Variants in GDF9 observed in about 807,000 individuals in gnomAD.
GDF9 encodes the protein growth/differentiation factor 9.
Under a neutral mutation model 33.8 loss-of-function variants are expected in GDF9, and 30 were observed. That is an observed-to-expected ratio of 0.89 (90% CI 0.66 to 1.20). The LOEUF (loss-of-function observed/expected upper bound fraction) is 1.20, where lower values mean the gene tolerates loss of function less well. Among genes scored for constraint, GDF9 ranks in the 50% most tolerant of loss-of-function variants. GDF9 has a pLI of 0.00. For synonymous variants in GDF9, 205 were observed against 200.7 expected (o/e 1.02, Z -0.18); for missense variants, 556 against 543.7 (o/e 1.02, Z -0.22).
chr5:132,864,688 T>C lies in GDF9; in HGVS notation c.-155A>G. 1 of 681,198 alleles carries C rather than the reference T, an allele frequency of 1.5e-6. No individual in the cohort carries two copies. The highest frequency in any genetic ancestry group is 2.6e-5 in the Admixed American group (1 of 38,202). The allele number at this position is 681,198 out of a possible 1,614,324, so 42.2% of individuals were successfully genotyped here. ...GGCCTCAAGTATGCCTAGCTGAAGATTTTATCAGCTCTATATCAAGCAGCT... is the reference window on the plus strand; with the variant it reads ...GGCCTCAAGTATGCCTAGCTGAAGACTTTATCAGCTCTATATCAAGCAGCT... On this transcript the variant is annotated 5_prime_UTR_variant, in exon 1 of 2. Transcript: ENST00000687138.
rs17166282 is a variant in GDF9, at chr5:132,864,565, T to C, written c.-32A>G. ...GGAGAACTAGTGAGGAACATATTTCTCCATGCCAGTCCTCTTCCTAAAGGC... is the reference window on the plus strand; with the variant it reads ...GGAGAACTAGTGAGGAACATATTTCCCCATGCCAGTCCTCTTCCTAAAGGC... On this transcript the variant is annotated 5_prime_UTR_variant, in exon 1 of 2. Coordinates refer to ENST00000687138, the MANE Select transcript of GDF9 (RefSeq NM_005260.7). 13,458 of 1,597,244 alleles carry C rather than the reference T, an allele frequency of 8.4e-3. 807 individuals are homozygous for C. The African/African-American group carries it at 0.14, about 17-fold the overall frequency.
rs370650334 is a variant in GDF9, at chr5:132,862,002, G to T, written c.952C>A (p.Arg318Ser). ...GAACTGACAGTTTCCTGACCTCTGC[G>T]GTGACGGTGATGGGAAGATCTCCCA... ...EDGRSSHHRH[R>S]RGQETVSSEL... The change falls in exon 2 of 2, where the codon CGC becomes AGC. Residue 318 changes from arginine (R) to serine (S), a missense_variant. Transcript: ENST00000687138. 4.3e-6 allele frequency: 7 copies of T among 1,613,834 alleles called. No individual in the cohort carries two copies. In the Admixed American group the frequency reaches 6.7e-5, roughly 15 times the overall value.
chr5:132,866,574 G>A, upstream of GDF9: 1 of 472,276 alleles, frequency 2.1e-6, no homozygotes, highest in South Asian at 2.1e-5. Context: ...GAGACAGTAG[G>A]AAAATGGTAT....
In GDF9 at chr5:132,862,747, C is replaced by A. The variant is rs759892826; in HGVS notation, c.398-191G>T. 1.2e-4 allele frequency among the ~76,000 whole-genome samples: 19 copies of A among 152,262 alleles called. No homozygotes were observed. In the Middle Eastern group the frequency reaches 0.014, roughly 109 times the overall value. ...TGGTATCATTACTAATTCCCAGCAA[C>A]CTTACTGGACATTTTATCTCCAGAA... On this transcript the variant is annotated intron_variant, in intron 1 of 1. Coordinates refer to ENST00000687138, the MANE Select transcript of GDF9 (RefSeq NM_005260.7).
chr5:132,861,316 GA>G lies in GDF9; in HGVS notation c.*272del. The G allele has an allele frequency of 9.7e-6, 4 of 411,540 alleles. No individual in the cohort carries two copies. Among genetic ancestry groups the G allele is most frequent in the Non-Finnish European group, 8.8e-6 (2 of 226,598 alleles). The allele number at this position is 411,540 out of a possible 1,614,324, so 25.5% of individuals were successfully genotyped here. ...ATCAAGAATAAGACTCCTATGAAAA[GA>G]AAAAAAATCACTCAAGGAAAAAAAT... is the stretch of plus-strand genomic sequence containing the variant. On this transcript the variant is annotated 3_prime_UTR_variant, in exon 2 of 2. Transcript: ENST00000687138.
In GDF9 at chr5:132,861,665, A is replaced by G. The variant is rs1199041454; in HGVS notation, c.1289T>C (p.Leu430Ser). ...AATTGAGCCATCGGGCTCAATGGTCAAAACACTCAAGGGGCTGTATTTGGC... is the reference window on the plus strand; with the variant it reads ...AATTGAGCCATCGGGCTCAATGGTCGAAACACTCAAGGGGCTGTATTTGGC... ...VPAKYSPLSV[L>S]TIEPDGSIAY... The change falls in exon 2 of 2, where the codon TTG becomes TCG. Residue 430 changes from leucine (L) to serine (S), a missense_variant. Transcript: ENST00000687138. 6.2e-7 allele frequency: 1 copy of G among 1,610,790 alleles called. No individual in the cohort carries two copies. The highest frequency in any genetic ancestry group is 8.5e-7 in the Non-Finnish European group (1 of 1,176,994).
In GDF9 at chr5:132,861,514, T is replaced by C; in HGVS notation, c.*75A>G. The C allele has an allele frequency of 4.0e-6, 5 of 1,258,486 alleles. No individual in the cohort carries two copies. Among genetic ancestry groups the C allele is most frequent in the Non-Finnish European group, 5.8e-6 (5 of 856,480 alleles). The allele number at this position is 1,258,486 out of a possible 1,614,324, so 78.0% of individuals were successfully genotyped here. On this transcript the variant is annotated 3_prime_UTR_variant, in exon 2 of 2. Coordinates refer to ENST00000687138, the MANE Select transcript of GDF9 (RefSeq NM_005260.7). ...CATTTAGAGACTTAATATATGAAGC[T>C]TTCTCTTGAAGGCACACATAGGCAC... is the stretch of plus-strand genomic sequence containing the variant.
chr5:132,861,656 T>C lies in GDF9; in HGVS notation c.1298A>G (p.Glu433Gly), dbSNP rs752226758. The stretch of plus-strand genomic sequence containing the variant: ...TTTATAGGCAATTGAGCCATCGGGC[T>C]CAATGGTCAAAACACTCAAGGGGCT... ...KYSPLSVLTIEPDGSIAYKEY... is the reference protein window; with the variant it reads ...KYSPLSVLTIGPDGSIAYKEY... Residue 433 changes from glutamate to glycine, a missense_variant, in exon 2 of 2, where the codon GAG (glutamate) becomes GGG (glycine). By Grantham distance (98) the Glu-to-Gly change is moderately conservative. Coordinates refer to ENST00000687138, the MANE Select transcript of GDF9 (RefSeq NM_005260.7). The C allele has an allele frequency of 1.2e-6, 2 of 1,610,426 alleles. No homozygotes were observed. Among genetic ancestry groups the C allele is most frequent in the East Asian group, 4.5e-5 (2 of 44,876 alleles).
At chr5:132,863,516 T>G (rs974172616) in intron 1 of GDF9, among the ~76,000 whole-genome samples, 11 of 151,570 alleles carry the variant, frequency 7.3e-5, no homozygotes, top group Non-Finnish European at 1.6e-4. Context: ...CTTGGCTCAC[T>G]GCAACCTCTG....
rs535817274 is a variant in GDF9 at position 132,861,345 on chromosome 5, A to G, written c.*244T>C. On this transcript the variant is annotated 3_prime_UTR_variant, in exon 2 of 2. Coordinates refer to ENST00000687138, the MANE Select transcript of GDF9 (RefSeq NM_005260.7). ...AAAAATCACTCAAGGAAAAAAATGTAAAGTTCTCCACAATAATTATATTTC... is the reference window on the plus strand; with the variant it reads ...AAAAATCACTCAAGGAAAAAAATGTGAAGTTCTCCACAATAATTATATTTC... The G allele has an allele frequency of 1.4e-4, 69 of 479,200 alleles. No homozygotes were observed. The highest frequency in any genetic ancestry group is 7.4e-4 in the African/African-American group (38 of 51,518). The allele number at this position is 479,200 out of a possible 1,614,324, so 29.7% of individuals were successfully genotyped here.
chr5:132,861,626 T>C lies in GDF9; in HGVS notation c.1328A>G (p.Tyr443Cys). 6.2e-7 allele frequency: 1 copy of C among 1,612,760 alleles called. No individual in the cohort carries two copies. The highest frequency in any genetic ancestry group is 8.5e-7 in the Non-Finnish European group (1 of 1,178,668). Residue 443 changes from tyrosine (Y) to cysteine (C), a missense_variant, in exon 2 of 2, where the codon TAC becomes TGC. By Grantham distance (194) the Tyr-to-Cys change is radical. Coordinates refer to ENST00000687138, the MANE Select transcript of GDF9 (RefSeq NM_005260.7). The stretch of plus-strand genomic sequence containing the variant: ...GCACTTTGTAGCTATCATATCTTCG[T>C]ACTCTTTATAGGCAATTGAGCCATC... ...EPDGSIAYKE[Y>C]EDMIATKCTC... is the part of the protein sequence containing the mutation.
At chr5:132,863,442 CTTTT>C (rs5871466) in intron 1 of GDF9, among the ~76,000 whole-genome samples, 1 of 142,222 alleles carries the variant, frequency 7.0e-6, no homozygotes, top group Admixed American at 7.0e-5. Context: ...TAGATATATA[CTTTT>C]TTTTTTTTTT....
At chr5:132,866,539 T>G, upstream of GDF9, 1 of 343,332 alleles carries the variant, frequency 2.9e-6, no homozygotes. Context: ...CCCACTTCTT[T>G]CTGGGACAAA....
Position 132,864,224 on chromosome 5 carries a change from T to C in GDF9, c.310A>G (p.Lys104Glu), listed in dbSNP as rs759044987. ...KTYATKEGIP[K>E]SNRSHLYNTV... ...TTGTAGAGGTGACTTCTATTGGATTTAGGAATCCCTTCCTTGGTAGCATAT... is the reference window on the plus strand; with the variant it reads ...TTGTAGAGGTGACTTCTATTGGATTCAGGAATCCCTTCCTTGGTAGCATAT... The change falls in exon 1 of 2, where the codon AAA becomes GAA. Residue 104 changes from lysine to glutamate, a missense_variant. By Grantham distance (56) the Lys-to-Glu change is moderately conservative. Coordinates refer to ENST00000687138, the MANE Select transcript of GDF9 (RefSeq NM_005260.7). 1 of 1,614,204 alleles carries C rather than the reference T, an allele frequency of 6.2e-7. No individual in the cohort carries two copies. The highest frequency in any genetic ancestry group is 1.1e-5 in the South Asian group (1 of 91,082).
intron 1 of GDF9, 77 bp downstream of exon 1, chr5:132,864,055 GGCTCA>G: frequency 5.8e-6 from 8 of 1,377,962 alleles, no homozygotes; most frequent in Non-Finnish European, 8.3e-6. Context: ...CAAGGAACTA[GGCTCA>G]GCTCCTTTCT....
At position 132,864,461 on chromosome 5, in the gene GDF9, A is replaced by C. The variant is rs544156016; in HGVS notation, c.73T>G (p.Ser25Ala). The C allele has an allele frequency of 5.0e-6, 8 of 1,613,858 alleles. No individual in the cohort carries two copies. In the African/African-American group the frequency reaches 8.0e-5, roughly 16 times the overall value. ...AWLCFPISLG[S>A]QASGGEAQIA... ...TGAGCTTCTCCCCCAGAAGCCTGAG[A>C]ACCAAGGCTAATAGGAAAACACAGC... The change falls in exon 1 of 2, where the codon TCT becomes GCT. Residue 25 changes from serine (S) to alanine (A), a missense_variant. Coordinates refer to ENST00000687138, the MANE Select transcript of GDF9 (RefSeq NM_005260.7).
intron 1 of GDF9, among the ~76,000 whole-genome samples, chr5:132,863,579 A>G (rs1482314097): frequency 6.6e-6 from 1 of 151,984 alleles, no homozygotes; most frequent in Non-Finnish European, 1.5e-5. Flanking sequence ...AGCTGGGACT[A>G]CAGGTATGCA....
intron 1 of GDF9, among the ~76,000 whole-genome samples, chr5:132,863,159 AC>A (rs966947574): frequency 1.3e-5 from 2 of 152,200 alleles, no homozygotes; most frequent in Non-Finnish European, 2.9e-5. Context: ...TGCTCCAAAC[AC>A]AGAAGCAGCT....
In GDF9 at chr5:132,861,516, T is replaced by C; in HGVS notation, c.*73A>G. ...TTTAGAGACTTAATATATGAAGCTT[T>C]CTCTTGAAGGCACACATAGGCACAC... On this transcript the variant is annotated 3_prime_UTR_variant, in exon 2 of 2. Coordinates refer to ENST00000687138, the MANE Select transcript of GDF9 (RefSeq NM_005260.7). The C allele has an allele frequency of 7.8e-7, 1 of 1,277,766 alleles. No individual in the cohort carries two copies. The highest frequency in any genetic ancestry group is 1.1e-6 in the Non-Finnish European group (1 of 874,068). The allele number at this position is 1,277,766 out of a possible 1,614,324, so 79.2% of individuals were successfully genotyped here. A position where few individuals can be genotyped will look rare whatever the true frequency, so the allele number is the denominator to read the frequency against.
Sources: gnomAD v4.1 joint callset for allele counts (sites outside exome capture counted in the v4.1 genomes callset) on GRCh38, gnomAD v4.1.1 for gene constraint, MANE v1.5 for transcripts, NCBI Gene and HGNC (gene_info 2026-07-23, HGNC 2026-07-21) for gene names.